The following CANT1 variants were observed in gnomAD, a reference collection of about 807,000 sequenced individuals.
CANT1 encodes the protein calcium activated nucleotidase 1, also known as soluble calcium-activated nucleotidase 1.
In CANT1, 26 loss-of-function variants were observed where a neutral mutation model predicts 30.0. The observed-to-expected ratio is 0.87, with a 90% CI of 0.64 to 1.20. The LOEUF is 1.20. CANT1 is among the 50% of genes most tolerant of loss of function. The pLI is 0.00. For missense variants in CANT1, 518 were observed against 563.0 expected, an observed-to-expected ratio of 0.92 and a Z score of 0.81; for synonymous variants, 246 against 251.8, an observed-to-expected ratio of 0.98 and a Z score of 0.22.
chr17:78,993,739 G>A lies in CANT1; in HGVS notation c.1017C>T (p.Val339=), dbSNP rs1167694869. ...DIAVSHVGAV[V]PTHGFSSFKF... ...TGAAGGACGAGAAGCCGTGAGTGGG[G>A]ACCACCGCCCCGACGTGGCTCACAG... is the stretch of plus-strand genomic sequence containing the variant. The change falls in exon 5 of 5, where the codon GTC becomes GTT. Residue 339 remains valine, a synonymous_variant. Transcript: ENST00000392446. This position sits in a 1 kb window ranked among gnomAD's most constrained non-coding sequence, Gnocchi z 4.5. 2 of 1,613,934 alleles carry A rather than the reference G, an allele frequency of 1.2e-6. No individual in the cohort carries two copies. Among genetic ancestry groups the A allele is most frequent in the Non-Finnish European group, 1.7e-6 (2 of 1,180,050 alleles).
intron 1 of CANT1, among the ~76,000 whole-genome samples, chr17:79,003,117 C>T (rs547392166): frequency 1.1e-4 from 17 of 152,202 alleles, no homozygotes; most frequent in African/African-American, 3.9e-4. Flanking sequence ...ACCTCGAGGT[C>T]ACGCTGATTC....
Position 78,995,103 on chromosome 17 carries a change from C to G in CANT1, c.750G>C (p.Val250=). The G allele has an allele frequency of 6.2e-7, 1 of 1,612,698 alleles. No individual in the cohort carries two copies. The highest frequency in any genetic ancestry group is 8.5e-7 in the Non-Finnish European group (1 of 1,179,500). The change falls in exon 4 of 5, where the codon GTG becomes GTC. Residue 250 remains valine (V), a synonymous_variant. Coordinates refer to ENST00000392446, the MANE Select transcript of CANT1 (RefSeq NM_001159773.2). The surrounding 1 kb of genome is among the most constrained non-coding windows in gnomAD (Gnocchi z 5.7). ...VVNENPEWVK[V]VGYKGSVDHE... ...GGTCCACGCTGCCCTTGTAGCCCACCACCTTCACCCACTCCGGGTTCTCGT... is the reference window on the plus strand; with the variant it reads ...GGTCCACGCTGCCCTTGTAGCCCACGACCTTCACCCACTCCGGGTTCTCGT...
In CANT1 at chr17:79,009,681, C is replaced by G; in HGVS notation, c.-164G>C. 1 of 152,004 alleles carries G rather than the reference C, an allele frequency of 6.6e-6. No homozygotes were observed. Among genetic ancestry groups the G allele is most frequent in the South Asian group, 1.9e-4 (1 of 5,170 alleles). 9.4% of individuals were successfully genotyped at this position (152,004 alleles called of 1,614,324 possible). A position where few individuals can be genotyped will look rare whatever the true frequency, so the allele number is the denominator to read the frequency against. ...TCACTCACCCGCTGCGGGGCTGGCT[C>G]CGGTGCCCGCGATCGGCGGGGCTTG... On this transcript the variant is annotated 5_prime_UTR_variant, in exon 1 of 5. Transcript: ENST00000392446.
Position 79,009,091 on chromosome 17 carries a change from GC to G in CANT1, c.-147+572del, listed in dbSNP as rs369891122. Among the ~76,000 whole-genome samples the G allele has an allele frequency of 6.2e-3, 947 of 152,302 alleles. 9 individuals are homozygous for G. Among genetic ancestry groups the G allele is most frequent in the African/African-American group, 0.02 (831 of 41,552 alleles). On this transcript the variant is annotated intron_variant, in intron 1 of 4. Transcript: ENST00000392446. The stretch of plus-strand genomic sequence containing the variant: ...GGAGGGGTGCCCCACACTAGCCAGA[GC>G]GGGGAGGCGTCCCACACTAATCAGA...
chr17:79,000,501 C>T (rs1261784118), intron 1 of CANT1, among the ~76,000 whole-genome samples: 4 of 151,676 alleles, frequency 2.6e-5, no homozygotes, highest in Non-Finnish European at 5.9e-5. Flanking sequence ...AGCTGCCCCC[C>T]ACCAACATCC....
rs2070920025 is a variant in CANT1 at position 78,993,755 on chromosome 17, T to A, written c.1001A>T (p.His334Leu). ...SPDFGDIAVS[H>L]VGAVVPTHGF... ...GTGAGTGGGGACCACCGCCCCGACG[T>A]GGCTCACAGCGATGTCGCCGAAGTC... The change falls in exon 5 of 5, where the codon CAC becomes CTC. Residue 334 changes from histidine to leucine, a missense_variant. Coordinates refer to ENST00000392446, the MANE Select transcript of CANT1 (RefSeq NM_001159773.2). The surrounding 1 kb of genome is among the most constrained non-coding windows in gnomAD (Gnocchi z 4.5). 1.2e-6 allele frequency: 2 copies of A among 1,613,598 alleles called. No individual in the cohort carries two copies. Among genetic ancestry groups the A allele is most frequent in the Non-Finnish European group, 8.5e-7 (1 of 1,180,050 alleles).
chr17:79,001,815 C>A (rs542295277), intron 1 of CANT1, among the ~76,000 whole-genome samples: 3 of 152,226 alleles, frequency 2.0e-5, no homozygotes, highest in South Asian at 2.1e-4. Context: ...AAGGTGAAGA[C>A]CCCCACGCCT....
chr17:78,993,642 A>C lies in CANT1; in HGVS notation c.1114T>G (p.Ser372Ala). Reference sequence around the variant, plus strand: ...TCCAGCGTGAAGGCCATGATGTAGGAGGCGACTCTGCCGCTGTCCTCCTCG... The same window carrying C: ...TCCAGCGTGAAGGCCATGATGTAGGCGGCGACTCTGCCGCTGTCCTCCTCG... ...KSEEDSGRVA[S>A]YIMAFTLDGR... is the part of the protein sequence containing the mutation. The change falls in exon 5 of 5, where the codon TCC becomes GCC. Residue 372 changes from serine to alanine, a missense_variant. Ser to Ala is a moderately conservative substitution (Grantham distance 99). This residue lies in a region of CANT1 where 221 missense variants were observed against 211.8 expected (regional missense o/e 1.04). Coordinates refer to ENST00000392446, the MANE Select transcript of CANT1 (RefSeq NM_001159773.2). The surrounding 1 kb of genome is among the most constrained non-coding windows in gnomAD (Gnocchi z 4.5). The C allele has an allele frequency of 6.2e-7, 1 of 1,614,242 alleles. No homozygotes were observed. The highest frequency in any genetic ancestry group is 1.1e-5 in the South Asian group (1 of 91,090).
intron 1 of CANT1, among the ~76,000 whole-genome samples, chr17:79,003,740 T>C (rs1480625251): frequency 6.6e-6 from 1 of 151,572 alleles, no homozygotes; most frequent in African/African-American, 2.4e-5. Flanking sequence ...TCCTGTTCAG[T>C]GGGGCTGCAA....
In CANT1 at chr17:78,996,915, T is replaced by C. The variant is rs557423884; in HGVS notation, c.631+77A>G. The C allele has an allele frequency of 2.7e-4, 421 of 1,582,452 alleles. No homozygotes were observed. Among genetic ancestry groups the C allele is most frequent in the Non-Finnish European group, 3.4e-4 (398 of 1,159,700 alleles). Reference sequence around the variant, plus strand: ...TTCTAGGTGTGTGAATTCTTTACCATGTGCCTGTGTTTGCCAGCCAGGCCC... The same window carrying C: ...TTCTAGGTGTGTGAATTCTTTACCACGTGCCTGTGTTTGCCAGCCAGGCCC... On this transcript the variant is annotated intron_variant, in intron 3 of 4. Coordinates refer to ENST00000392446, the MANE Select transcript of CANT1 (RefSeq NM_001159773.2). This position sits in a 1 kb window ranked among gnomAD's most constrained non-coding sequence, Gnocchi z 5.1.
At position 78,997,291 on chromosome 17, in the gene CANT1, G is replaced by C; in HGVS notation, c.332C>G (p.Ala111Gly). ...AGIRYRIAVIADLDTESRAQE... is the reference protein window; with the variant it reads ...AGIRYRIAVIGDLDTESRAQE... ...GGCCCTTGACTCTGTGTCCAGGTCTGCGATAACTGCGATTCGATACCGAAT... is the reference window on the plus strand; with the variant it reads ...GGCCCTTGACTCTGTGTCCAGGTCTCCGATAACTGCGATTCGATACCGAAT... The change falls in exon 3 of 5, where the codon GCA becomes GGA. Residue 111 changes from alanine to glycine, a missense_variant. Around this residue, in one of 3 missense-constraint regions of CANT1, gnomAD observed 249 missense variants for 268.8 expected, o/e 0.93. Coordinates refer to ENST00000392446, the MANE Select transcript of CANT1 (RefSeq NM_001159773.2). This position sits in a 1 kb window ranked among gnomAD's most constrained non-coding sequence, Gnocchi z 7.5. 6.2e-7 allele frequency: 1 copy of C among 1,614,214 alleles called. No individual in the cohort carries two copies. Among genetic ancestry groups the C allele is most frequent in the South Asian group, 1.1e-5 (1 of 91,092 alleles).
chr17:78,992,247 C>T lies in CANT1; in HGVS notation c.*1303G>A, dbSNP rs2070864782. 1 of 230,238 alleles carries T rather than the reference C, an allele frequency of 4.3e-6. No individual in the cohort carries two copies. Among genetic ancestry groups the T allele is most frequent in the African/African-American group, 2.2e-5 (1 of 45,166 alleles). 14.3% of individuals were successfully genotyped at this position (230,238 alleles called of 1,614,324 possible). Reference sequence around the variant, plus strand: ...AAAGGGGGAGAGGTTTGTGAGGGACCGGCACAGGGACAGCCAGAGCCGGCA... The same window carrying T: ...AAAGGGGGAGAGGTTTGTGAGGGACTGGCACAGGGACAGCCAGAGCCGGCA... On this transcript the variant is annotated 3_prime_UTR_variant, in exon 5 of 5. Transcript: ENST00000392446.
Position 78,993,729 on chromosome 17 carries a change from C to A in CANT1, c.1027G>T (p.Gly343Cys). 1 of 1,614,008 alleles carries A rather than the reference C, an allele frequency of 6.2e-7. No homozygotes were observed. The highest frequency in any genetic ancestry group is 8.5e-7 in the Non-Finnish European group (1 of 1,180,044). ...SHVGAVVPTHGFSSFKFIPNT... is the reference protein window; with the variant it reads ...SHVGAVVPTHCFSSFKFIPNT... ...GGGATGAACTTGAAGGACGAGAAGC[C>A]GTGAGTGGGGACCACCGCCCCGACG... The change falls in exon 5 of 5, where the codon GGC becomes TGC. Residue 343 changes from glycine to cysteine, a missense_variant. Transcript: ENST00000392446. This position sits in a 1 kb window ranked among gnomAD's most constrained non-coding sequence, Gnocchi z 4.5.
In CANT1 at chr17:78,992,533, T is replaced by A; in HGVS notation, c.*1017A>T. On this transcript the variant is annotated 3_prime_UTR_variant, in exon 5 of 5. Coordinates refer to ENST00000392446, the MANE Select transcript of CANT1 (RefSeq NM_001159773.2). Reference sequence around the variant, plus strand: ...AAAACTCCCACTGGAAGAGGAGAAATAAAGGCCATGGAAAGAAACCCCAGG... The same window carrying A: ...AAAACTCCCACTGGAAGAGGAGAAAAAAAGGCCATGGAAAGAAACCCCAGG... The A allele has an allele frequency of 2.3e-5, 8 of 351,464 alleles. No individual in the cohort carries two copies. The highest frequency in any genetic ancestry group is 8.0e-5 in the Admixed American group (2 of 25,056). The allele number at this position is 351,464 out of a possible 1,614,324, so 21.8% of individuals were successfully genotyped here. A position where few individuals can be genotyped will look rare whatever the true frequency, so the allele number is the denominator to read the frequency against.
chr17:78,995,260 C>T lies in CANT1; in HGVS notation c.632-39G>A. ...GTGTCCTTAGGCCCCGCACCCAGCT[C>T]CCGCCGCACCCCTGCACCTGGCTCC... On this transcript the variant is annotated intron_variant, in intron 3 of 4. Transcript: ENST00000392446. The surrounding 1 kb of genome is among the most constrained non-coding windows in gnomAD (Gnocchi z 5.7). 1 of 1,593,060 alleles carries T rather than the reference C, an allele frequency of 6.3e-7. No individual in the cohort carries two copies. The highest frequency in any genetic ancestry group is 8.6e-7 in the Non-Finnish European group (1 of 1,169,304).
At chr17:79,006,874 C>T (rs1481985161) in intron 1 of CANT1, among the ~76,000 whole-genome samples, 2 of 152,198 alleles carry the variant, frequency 1.3e-5, no homozygotes, top group Non-Finnish European at 2.9e-5. Flanking sequence ...ACGCTTTCCT[C>T]CAGGCTCGGC....
In CANT1 at chr17:79,008,183, G is replaced by A. The variant is rs1173608137; in HGVS notation, c.-147+1481C>T. On this transcript the variant is annotated intron_variant, in intron 1 of 4. Coordinates refer to ENST00000392446, the MANE Select transcript of CANT1 (RefSeq NM_001159773.2). The surrounding 1 kb of genome is among the most constrained non-coding windows in gnomAD (Gnocchi z 4.4). ...AGCAGGGGCGTGTGCTAGGATAGAG[G>A]GCTCATTGAGGCCAGCAGGGAGGAG... 6.6e-6 allele frequency: 1 copy of A among 152,302 alleles called. No individual in the cohort carries two copies. The highest frequency in any genetic ancestry group is 2.4e-5 in the African/African-American group (1 of 41,422). The allele number at this position is 152,302 out of a possible 1,614,324, so 9.4% of individuals were successfully genotyped here.
Position 78,993,643 on chromosome 17 carries a change from G to T in CANT1, c.1113C>A (p.Ala371=). The T allele has an allele frequency of 6.2e-7, 1 of 1,614,272 alleles. No individual in the cohort carries two copies. The highest frequency in any genetic ancestry group is 8.5e-7 in the Non-Finnish European group (1 of 1,180,052). The change falls in exon 5 of 5, where the codon GCC becomes GCA. Residue 371 remains alanine (A), a synonymous_variant. Transcript: ENST00000392446. This position sits in a 1 kb window ranked among gnomAD's most constrained non-coding sequence, Gnocchi z 4.5. ...CCAGCGTGAAGGCCATGATGTAGGA[G>T]GCGACTCTGCCGCTGTCCTCCTCGG... The part of the protein sequence containing the change: ...LKSEEDSGRV[A]SYIMAFTLDG...
Position 78,993,376 on chromosome 17 carries a change from C to T in CANT1, c.*174G>A, listed in dbSNP as rs544997912. On this transcript the variant is annotated 3_prime_UTR_variant, in exon 5 of 5. Coordinates refer to ENST00000392446, the MANE Select transcript of CANT1 (RefSeq NM_001159773.2). The surrounding 1 kb of genome is among the most constrained non-coding windows in gnomAD (Gnocchi z 4.5). ...GGAAAGCAGTTCAGACCGCGGCCTC[C>T]GTGGGGCCCGGGGGTCCAGTGCCCG... 1.0e-4 allele frequency: 91 copies of T among 901,886 alleles called. No individual in the cohort carries two copies. The highest frequency in any genetic ancestry group is 2.3e-4 in the Admixed American group (10 of 43,038). 55.9% of individuals were successfully genotyped at this position (901,886 alleles called of 1,614,324 possible).
Sources: gnomAD v4.1 joint callset for allele counts (sites outside exome capture counted in the v4.1 genomes callset) on GRCh38, gnomAD v4.1.1 for gene constraint, gnomAD v4.1.1 regional missense constraint, Gnocchi (gnomAD v3.1) non-coding constraint, MANE v1.5 for transcripts, NCBI Gene and HGNC (gene_info 2026-07-23, HGNC 2026-07-21) for gene names.